SNX1: variants seen among roughly 807,000 people sequenced by gnomAD.
SNX1 encodes sorting nexin 1.
A neutral mutation model predicts 71.8 loss-of-function variants in SNX1; 36 were observed. The observed-to-expected ratio is 0.50, with a 90% CI of 0.38 to 0.66. The LOEUF (loss-of-function observed/expected upper bound fraction) is 0.66. Ranked by LOEUF, SNX1 falls within the 30% of genes least tolerant of loss-of-function variation. The pLI is 0.00. For synonymous variants in SNX1, 254 were observed against 240.7 expected, an observed-to-expected ratio of 1.06 and a Z score of -0.51; for missense variants, 612 against 646.7, an observed-to-expected ratio of 0.95 and a Z score of 0.58.
At chr15:64,109,490 TTTTTG>T (rs142477216) in intron 1 of SNX1, among the ~76,000 whole-genome samples, 80,679 of 149,672 alleles carry the variant, frequency 0.54, 26,622 homozygotes, top group East Asian at 0.8. Flanking sequence ...CTAGTGAAGA[TTTTTG>T]TTTTGTTTTG....
At chr15:64,135,113 TTTTG>T (rs2081344930) in intron 12 of SNX1, among the ~76,000 whole-genome samples, 1 of 151,090 alleles carries the variant, frequency 6.6e-6, no homozygotes, top group Non-Finnish European at 1.5e-5. Flanking sequence ...CAGAGGTTTT[TTTTG>T]TTTGTTTTTG....
chr15:64,114,901 G>C (rs1032178148), intron 2 of SNX1, among the ~76,000 whole-genome samples: 2 of 152,106 alleles, frequency 1.3e-5, no homozygotes, highest in Admixed American at 1.3e-4. Context: ...CAGCACTTTG[G>C]GAGGCCAAGG....
Position 64,135,149 on chromosome 15 carries a change from C to G in SNX1, c.1365+342C>G, listed in dbSNP as rs1172077. 2.0e-5 allele frequency among the ~76,000 whole-genome samples: 3 copies of G among 151,706 alleles called. No individual in the cohort carries two copies. In the South Asian group the frequency reaches 6.2e-4, roughly 32 times the overall value. On this transcript the variant is annotated intron_variant, in intron 12 of 14. Coordinates refer to ENST00000559844, the MANE Select transcript of SNX1 (RefSeq NM_003099.5). ...TTTGTTTTTGTTTTAGATGGAGTCT[C>G]GCTCTGTCAACAGGCTGGAGTGCAG...
intron 1 of SNX1, among the ~76,000 whole-genome samples, chr15:64,108,884 A>G (rs900651298): frequency 5.9e-5 from 9 of 151,592 alleles, no homozygotes; most frequent in African/African-American, 2.2e-4. Context: ...GCTACTCAGG[A>G]GGCTGAGGAA....
chr15:64,137,576 G>A lies in SNX1; in HGVS notation c.1527G>A (p.Lys509=). ...TLLYSQQQLA[K]YWEAFLPEAK... The stretch of plus-strand genomic sequence containing the variant: ...TCCCCACTTCTTTGCAGCTGGCAAA[G>A]TACTGGGAAGCCTTCCTTCCTGAGG... The change falls in exon 15 of 15, where the codon AAG becomes AAA. Residue 509 remains lysine (K), a synonymous_variant. Transcript: ENST00000559844. The A allele has an allele frequency of 6.2e-7, 1 of 1,614,178 alleles. No individual in the cohort carries two copies. Among genetic ancestry groups the A allele is most frequent in the Non-Finnish European group, 8.5e-7 (1 of 1,180,014 alleles).
chr15:64,126,111 T>G lies in SNX1; in HGVS notation c.543T>G (p.Phe181Leu), dbSNP rs766377028. 1.9e-6 allele frequency: 3 copies of G among 1,614,214 alleles called. No individual in the cohort carries two copies. Among genetic ancestry groups the G allele is most frequent in the South Asian group, 1.1e-5 (1 of 91,084 alleles). The change falls in exon 6 of 15, where the codon TTT (phenylalanine) becomes TTG (leucine). Residue 181 changes from phenylalanine (F) to leucine (L), a missense_variant. By Grantham distance (22) the Phe-to-Leu change is conservative (BLOSUM62 0). Coordinates refer to ENST00000559844, the MANE Select transcript of SNX1 (RefSeq NM_003099.5). ...TSLPLFRSKQ[F>L]AVKRRFSDFL... ...TACCATTGTTCAGAAGCAAACAGTT[T>G]GCAGTAAAAAGAAGATTTAGTGACT... is the stretch of plus-strand genomic sequence containing the variant.
chr15:64,097,767 T>C (rs2080918756), intron 1 of SNX1, among the ~76,000 whole-genome samples: 1 of 152,228 alleles, frequency 6.6e-6, no homozygotes, highest in Admixed American at 6.5e-5. Context: ...ATTTATCTGT[T>C]TGGCATAATG....
intron 10 of SNX1, among the ~76,000 whole-genome samples, chr15:64,131,196 T>C (rs1043222318): frequency 9.9e-5 from 15 of 152,024 alleles, no homozygotes; most frequent in African/African-American, 3.4e-4. Flanking sequence ...AGGCAGAGAA[T>C]TGCTTGAACC....
At chr15:64,118,312 G>GT (rs2081154535) in intron 3 of SNX1, 68 bp downstream of exon 3, 7 of 1,491,016 alleles carry the variant, frequency 4.7e-6, no homozygotes, top group Non-Finnish European at 5.4e-6. Flanking sequence ...AGTCTGAAGT[G>GT]TAGTTGAGTA....
intron 11 of SNX1, among the ~76,000 whole-genome samples, chr15:64,133,780 G>A (rs571445021): frequency 2.1e-4 from 32 of 152,304 alleles, no homozygotes; most frequent in African/African-American, 6.7e-4. Context: ...TGAGGGAGCC[G>A]CTGGAACCCG....
In SNX1 at chr15:64,134,813, T is replaced by C. The variant is rs1163528754; in HGVS notation, c.1365+6T>C. ...CCAAGGACGAGATCCTCGAGGTGAGTCCACTGAGGCAGCCCAGCCAGGGGT... is the reference window on the plus strand; with the variant it reads ...CCAAGGACGAGATCCTCGAGGTGAGCCCACTGAGGCAGCCCAGCCAGGGGT... On this transcript the variant is annotated splice_donor_region_variant and intron_variant, in intron 12 of 14. Coordinates refer to ENST00000559844, the MANE Select transcript of SNX1 (RefSeq NM_003099.5). This position sits in a 1 kb window ranked among gnomAD's most constrained non-coding sequence, Gnocchi z 4.1. 1.9e-6 allele frequency: 3 copies of C among 1,613,516 alleles called. No individual in the cohort carries two copies. Among genetic ancestry groups the C allele is most frequent in the Non-Finnish European group, 2.5e-6 (3 of 1,179,920 alleles).
intron 6 of SNX1, among the ~76,000 whole-genome samples, chr15:64,126,634 C>T (rs2081256072): frequency 6.6e-6 from 1 of 152,106 alleles, no homozygotes; most frequent in African/African-American, 2.4e-5. Flanking sequence ...GGTTGGAGTG[C>T]AGTGGCGCGA....
chr15:64,102,863 C>T (rs1254548003), intron 1 of SNX1, among the ~76,000 whole-genome samples: 1 of 139,946 alleles, frequency 7.1e-6, no homozygotes, highest in Non-Finnish European at 1.5e-5. Flanking sequence ...ACCTCCTGTG[C>T]TCTGGTGATC....
At chr15:64,103,710 A>G (rs2080988432) in intron 1 of SNX1, among the ~76,000 whole-genome samples, 2 of 152,198 alleles carry the variant, frequency 1.3e-5, no homozygotes. Context: ...AAGAAAAATG[A>G]TGGTTAATCT....
chr15:64,102,071 G>C (rs1450213623), intron 1 of SNX1, among the ~76,000 whole-genome samples: 1 of 152,144 alleles, frequency 6.6e-6, no homozygotes, highest in East Asian at 1.9e-4. Context: ...GCTTGTTAAA[G>C]ATTTTTTGTA....
Position 64,129,699 on chromosome 15 carries a change from A to C in SNX1, c.808-217A>C, listed in dbSNP as rs894806361. Among the ~76,000 whole-genome samples the C allele has an allele frequency of 6.6e-6, 1 of 152,218 alleles. No homozygotes were observed. The highest frequency in any genetic ancestry group is 6.5e-5 in the Admixed American group (1 of 15,284). On this transcript the variant is annotated intron_variant, in intron 8 of 14. Transcript: ENST00000559844. The surrounding 1 kb of genome is among the most constrained non-coding windows in gnomAD (Gnocchi z 4.4). ...TACTTTTTTTCTGTATAAAATATCA[A>C]AAGCTGAAAATGTTGCTGATTCTTT...
In SNX1 at chr15:64,142,667, G is replaced by A. The variant is rs903906662; in HGVS notation, c.*5049G>A. ...TACCTATTTAAGCCAAGTTTTTTTA[G>A]ATAAAAGGTATGGAACCTGCTTTCC... On this transcript the variant is annotated 3_prime_UTR_variant, in exon 15 of 15. Coordinates refer to ENST00000559844, the MANE Select transcript of SNX1 (RefSeq NM_003099.5). 11 of 455,912 alleles carry A rather than the reference G, an allele frequency of 2.4e-5. No homozygotes were observed. The highest frequency in any genetic ancestry group is 4.9e-5 in the Non-Finnish European group (11 of 226,800). The allele number at this position is 455,912 out of a possible 1,614,324, so 28.2% of individuals were successfully genotyped here.
chr15:64,139,146 T>C lies in SNX1; in HGVS notation c.*1528T>C, dbSNP rs2081390660. ...TCCAGTCTTTATTATATGCTTGCTTTTACATAGTTGTAATAATATACACAT... is the reference window on the plus strand; with the variant it reads ...TCCAGTCTTTATTATATGCTTGCTTCTACATAGTTGTAATAATATACACAT... On this transcript the variant is annotated 3_prime_UTR_variant, in exon 15 of 15. Transcript: ENST00000559844. 6.6e-6 allele frequency: 1 copy of C among 152,236 alleles called. No homozygotes were observed. Among genetic ancestry groups the C allele is most frequent in the Non-Finnish European group, 1.5e-5 (1 of 68,038 alleles). 9.4% of individuals were successfully genotyped at this position (152,236 alleles called of 1,614,324 possible).
At chr15:64,133,505 G>A (rs2081327817) in intron 11 of SNX1, among the ~76,000 whole-genome samples, 1 of 152,218 alleles carries the variant, frequency 6.6e-6, no homozygotes, top group South Asian at 2.1e-4. Context: ...TGAGGCAGAT[G>A]GATCACCTGA....
Sources: allele counts gnomAD v4.1 joint callset (sites outside exome capture counted in the v4.1 genomes callset), GRCh38; gene constraint gnomAD v4.1.1; non-coding constraint Gnocchi (gnomAD v3.1); transcripts MANE v1.5; gene names NCBI Gene and HGNC (gene_info 2026-07-23, HGNC 2026-07-21).